Variants in FAT4 observed in about 807,000 individuals in gnomAD.
FAT4 encodes the protein protocadherin Fat 4.
Under a neutral mutation model 303.9 loss-of-function variants are expected in FAT4, and 84 were observed. That is an observed-to-expected ratio of 0.28 (90% CI 0.23 to 0.33). The LOEUF (loss-of-function observed/expected upper bound fraction) is 0.33. FAT4 is among the 10% of genes least tolerant of loss of function. FAT4 has a pLI of 1.00. For synonymous variants in FAT4, 2,307 were observed against 2,298.8 expected, an observed-to-expected ratio of 1.00 and a Z score of -0.10; for missense variants, 6,005 against 6,146.8, an observed-to-expected ratio of 0.98 and a Z score of 0.77.
At chr4:125,362,884 T>C (rs1052322535) in intron 2 of FAT4, 7 of 152,102 alleles carry the variant, frequency 4.6e-5, no homozygotes, top group African/African-American at 1.7e-4. Context: ...CAGAACTCCT[T>C]ATTTTACTTC....
Position 125,319,884 on chromosome 4 carries a change from C to G in FAT4, c.3473C>G (p.Thr1158Ser). 6.2e-7 allele frequency: 1 copy of G among 1,614,096 alleles called. No homozygotes were observed. The highest frequency in any genetic ancestry group is 2.2e-5 in the East Asian group (1 of 44,860). Residue 1158 changes from threonine (T) to serine (S), a missense_variant, in exon 2 of 18, where the codon ACT becomes AGT. By Grantham distance (58) the Thr-to-Ser change is moderately conservative. Transcript: ENST00000394329. ...GCCATCAGTGGGGAAATTACAAATA[C>G]TCATCAGTTTGACAGGGAGTCTCTT... ...LHAISGEITN[T>S]HQFDRESLMR...
intron 2 of FAT4, among the ~76,000 whole-genome samples, chr4:125,389,585 G>A (rs1312856129): frequency 6.6e-6 from 1 of 152,096 alleles, no homozygotes; most frequent in Non-Finnish European, 1.5e-5. Context: ...TCATGCAGGT[G>A]GTAGTGGTCC....
chr4:125,371,005 A>G (rs1733087060), intron 2 of FAT4, among the ~76,000 whole-genome samples: 1 of 151,942 alleles, frequency 6.6e-6, no homozygotes, highest in Non-Finnish European at 1.5e-5. Context: ...AAAATTAGCC[A>G]GGCCTGGTGG....
At chr4:125,332,043 T>A (rs1279281978) in intron 2 of FAT4, among the ~76,000 whole-genome samples, 2 of 152,166 alleles carry the variant, frequency 1.3e-5, no homozygotes, top group Non-Finnish European at 2.9e-5. Context: ...AATGGCACTC[T>A]ATAAAGTTTA....
At chr4:125,456,653 A>AT (rs981448369) in intron 10 of FAT4, among the ~76,000 whole-genome samples, 8 of 152,054 alleles carry the variant, frequency 5.3e-5, no homozygotes, top group Non-Finnish European at 7.4e-5. Flanking sequence ...TAGTTTGTTA[A>AT]TTTTTTTTGT....
At position 125,320,105 on chromosome 4, in the gene FAT4, G is replaced by T; in HGVS notation, c.3694G>T (p.Val1232Leu). The T allele has an allele frequency of 2.5e-6, 4 of 1,613,968 alleles. No individual in the cohort carries two copies. The highest frequency in any genetic ancestry group is 3.4e-6 in the Non-Finnish European group (4 of 1,179,928). Residue 1232 changes from valine (V) to leucine (L), a missense_variant, in exon 2 of 18, where the codon GTA (valine) becomes TTA (leucine). By Grantham distance (32) the Val-to-Leu change is conservative. Transcript: ENST00000394329. Reference sequence around the variant, plus strand: ...AGCCAATCTGACACAAGTGTTAAGAGTATCTGCCTCAGATGTTGATGAAGG... The same window carrying T: ...AGCCAATCTGACACAAGTGTTAAGATTATCTGCCTCAGATGTTGATGAAGG... ...SAANLTQVLR[V>L]SASDVDEGNN...
intron 2 of FAT4, among the ~76,000 whole-genome samples, chr4:125,357,440 A>G (rs529713946): frequency 6.6e-6 from 1 of 152,288 alleles, no homozygotes; most frequent in East Asian, 1.9e-4. Flanking sequence ...GGTAATAAAT[A>G]GATTATTCGG....
intron 7 of FAT4, among the ~76,000 whole-genome samples, chr4:125,417,421 A>C (rs888283858): frequency 6.6e-6 from 1 of 152,148 alleles, no homozygotes; most frequent in Non-Finnish European, 1.5e-5. Context: ...GAGCCAAACT[A>C]TAAGTTCCTG....
intron 5 of FAT4, among the ~76,000 whole-genome samples, chr4:125,413,247 C>A (rs1287534963): frequency 6.6e-6 from 1 of 151,722 alleles, no homozygotes; most frequent in Non-Finnish European, 1.5e-5. Flanking sequence ...AAGCTGTTAA[C>A]CTTGTTCTAG....
chr4:125,429,395 C>T (rs948919303), intron 7 of FAT4, among the ~76,000 whole-genome samples: 30 of 152,144 alleles, frequency 2.0e-4, no homozygotes, highest in Admixed American at 9.2e-4. Flanking sequence ...CTTAATAGGA[C>T]GTGACTGGAG....
chr4:125,447,695 A>C (rs1320517099), intron 9 of FAT4, among the ~76,000 whole-genome samples: 1 of 152,106 alleles, frequency 6.6e-6, no homozygotes, highest in African/African-American at 2.4e-5. Context: ...TTTCTGAATG[A>C]GTAGATTGAA....
Position 125,489,947 on chromosome 4 carries a change from T to A in FAT4, c.13131T>A (p.Ser4377Arg), listed in dbSNP as rs1240443642. The A allele has an allele frequency of 6.2e-7, 1 of 1,601,342 alleles. No individual in the cohort carries two copies. Among genetic ancestry groups the A allele is most frequent in the Non-Finnish European group, 8.5e-7 (1 of 1,174,814 alleles). ...CIASMWYGGESLPFSGKHSLA... is the reference protein window; with the variant it reads ...CIASMWYGGERLPFSGKHSLA... Reference sequence around the variant, plus strand: ...CTTCTATGTGGTATGGTGGAGAAAGTCTTCCTTTCAGCGGGAAGCATAGCT... The same window carrying A: ...CTTCTATGTGGTATGGTGGAGAAAGACTTCCTTTCAGCGGGAAGCATAGCT... Residue 4377 changes from serine to arginine, a missense_variant, in exon 18 of 18, where the codon AGT becomes AGA. By Grantham distance (110) the Ser-to-Arg change is moderately radical. Transcript: ENST00000394329.
intron 2 of FAT4, among the ~76,000 whole-genome samples, chr4:125,368,516 A>G (rs1732973109): frequency 7.8e-6 from 1 of 127,574 alleles, no homozygotes; most frequent in African/African-American, 2.6e-5. Context: ...TATATATTAT[A>G]TATATGTATA....
At chr4:125,363,483 A>T (rs1382513522) in intron 2 of FAT4, among the ~76,000 whole-genome samples, 2 of 151,556 alleles carry the variant, frequency 1.3e-5, no homozygotes, top group Non-Finnish European at 2.9e-5. Context: ...ATATCAATAT[A>T]GCTTTTTTTT....
chr4:125,411,736 A>T (rs532724947), intron 5 of FAT4, among the ~76,000 whole-genome samples: 116 of 147,992 alleles, frequency 7.8e-4, no homozygotes, highest in South Asian at 7.1e-3. Flanking sequence ...ATTTATATAT[A>T]TTTTTATATA....
chr4:125,465,271 T>C (rs1578676869), intron 11 of FAT4, among the ~76,000 whole-genome samples: 1 of 152,144 alleles, frequency 6.6e-6, no homozygotes, highest in Non-Finnish European at 1.5e-5. Context: ...ACAATGCCTG[T>C]GAAGTAATGA....
chr4:125,455,121 G>A (rs1160512476), intron 10 of FAT4, among the ~76,000 whole-genome samples: 1 of 152,120 alleles, frequency 6.6e-6, no homozygotes, highest in East Asian at 1.9e-4. Context: ...TATCGGCTGG[G>A]AATTCAACAA....
rs1042625747 is a variant in FAT4 at position 125,452,958 on chromosome 4, T to A, written c.11800+148T>A. Reference sequence around the variant, plus strand: ...TAAACATTTACTGTTGGTCAAATACTGTTCTAAGCACTTTTTATGTATTTG... The same window carrying A: ...TAAACATTTACTGTTGGTCAAATACAGTTCTAAGCACTTTTTATGTATTTG... On this transcript the variant is annotated intron_variant, in intron 10 of 17. Coordinates refer to ENST00000394329, the MANE Select transcript of FAT4 (RefSeq NM_001291303.3). 21 of 1,013,486 alleles carry A rather than the reference T, an allele frequency of 2.1e-5. No homozygotes were observed. The African/African-American group carries it at 2.3e-4, about 11-fold the overall frequency. 62.8% of individuals were successfully genotyped at this position (1,013,486 alleles called of 1,614,324 possible).
chr4:125,441,215 A>C (rs994306889), intron 8 of FAT4, among the ~76,000 whole-genome samples: 5 of 152,202 alleles, frequency 3.3e-5, no homozygotes, highest in Non-Finnish European at 7.3e-5. Flanking sequence ...ATAATTTTGT[A>C]ATTTCTTAAG....
Sources: gnomAD v4.1 joint callset for allele counts (sites outside exome capture counted in the v4.1 genomes callset) on GRCh38, gnomAD v4.1.1 for gene constraint, MANE v1.5 for transcripts, NCBI Gene and HGNC (gene_info 2026-07-23, HGNC 2026-07-21) for gene names.